PDE11A: variants seen among roughly 807,000 people sequenced by gnomAD.
The protein encoded by PDE11A is phosphodiesterase 11A.
Under a neutral mutation model 100.5 loss-of-function variants are expected in PDE11A, and 100 were observed. That is an observed-to-expected ratio of 1.00 (90% CI 0.85 to 1.18). The LOEUF (loss-of-function observed/expected upper bound fraction) is 1.18. Ranked by LOEUF, PDE11A falls within the 50% of genes most tolerant of loss-of-function variation. PDE11A has a pLI of 0.00. For missense variants in PDE11A, 1,141 were observed against 1,152.6 expected, an observed-to-expected ratio of 0.99 and a Z score of 0.15; for synonymous variants, 381 against 420.8, an observed-to-expected ratio of 0.91 and a Z score of 1.16.
chr2:178,014,151 C>G, intron 2 of PDE11A, 151 bp downstream of exon 2: 2 of 633,702 alleles, frequency 3.2e-6, no homozygotes, highest in South Asian at 3.9e-5. Flanking sequence ...TCGAAAAACT[C>G]CCATTTCATT....
At chr2:178,006,980 C>A (rs2105821946) in intron 2 of PDE11A, among the ~76,000 whole-genome samples, 1 of 152,168 alleles carries the variant, frequency 6.6e-6, no homozygotes, top group East Asian at 1.9e-4. Flanking sequence ...AGAAAGACTT[C>A]AGTTCTTTCA....
At chr2:177,942,473 G>A (rs2085356763) in intron 2 of PDE11A, among the ~76,000 whole-genome samples, 1 of 150,896 alleles carries the variant, frequency 6.6e-6, no homozygotes, top group Non-Finnish European at 1.5e-5. Context: ...CGTGATCTCG[G>A]CTCACCGCAA....
chr2:177,859,377 A>G (rs1181730333), intron 5 of PDE11A, among the ~76,000 whole-genome samples: 3 of 151,924 alleles, frequency 2.0e-5, no homozygotes, highest in African/African-American at 7.2e-5. Flanking sequence ...AAAATGTGAT[A>G]TATCTATACA....
At chr2:177,846,097 A>G (rs1001096921) in intron 5 of PDE11A, among the ~76,000 whole-genome samples, 3 of 152,056 alleles carry the variant, frequency 2.0e-5, no homozygotes, top group Non-Finnish European at 2.9e-5. Context: ...GGTCTACTAT[A>G]ATGCAGAATC....
intron 10 of PDE11A, among the ~76,000 whole-genome samples, chr2:177,735,460 C>T (rs563906253): frequency 2.0e-5 from 3 of 151,372 alleles, no homozygotes; most frequent in South Asian, 2.1e-4. Context: ...CAGGAATGAG[C>T]GTATGAGATG....
intron 2 of PDE11A, among the ~76,000 whole-genome samples, chr2:177,909,839 A>G (rs2084851130): frequency 2.0e-5 from 3 of 152,176 alleles, no homozygotes; most frequent in African/African-American, 7.2e-5. Context: ...AAGGTAAGGT[A>G]GTTGGGTATG....
intron 10 of PDE11A, among the ~76,000 whole-genome samples, chr2:177,747,239 C>T (rs541231739): frequency 2.6e-5 from 4 of 152,182 alleles, no homozygotes; most frequent in Admixed American, 6.5e-5. Flanking sequence ...TTGTCAGGGA[C>T]CTGCTTCATT....
At chr2:177,942,693 G>A (rs908117896) in intron 2 of PDE11A, among the ~76,000 whole-genome samples, 6 of 151,984 alleles carry the variant, frequency 3.9e-5, no homozygotes, top group African/African-American at 1.2e-4. Flanking sequence ...ATGAGCCACC[G>A]CACCCGGCTA....
chr2:177,804,804 T>A (rs2082845775), intron 9 of PDE11A, among the ~76,000 whole-genome samples: 1 of 151,940 alleles, frequency 6.6e-6, no homozygotes. Flanking sequence ...TGGAGGCCAT[T>A]GTCTTAACTG....
chr2:178,053,532 A>G (rs376505547), intron 1 of PDE11A, among the ~76,000 whole-genome samples: 53 of 152,236 alleles, frequency 3.5e-4, no homozygotes, highest in African/African-American at 1.2e-3. Flanking sequence ...GGCAGGAGAA[A>G]GAAATAAAGG....
intron 2 of PDE11A, among the ~76,000 whole-genome samples, chr2:177,956,519 A>G (rs1475530025): frequency 1.4e-4 from 21 of 152,210 alleles, no homozygotes; most frequent in Non-Finnish European, 2.2e-4. Context: ...TCAGGGATCT[A>G]GAACTAGAAA....
intron 1 of PDE11A, among the ~76,000 whole-genome samples, chr2:178,052,684 C>T (rs2086844612): frequency 6.6e-6 from 1 of 152,140 alleles, no homozygotes; most frequent in Non-Finnish European, 1.5e-5. Flanking sequence ...AAGGGGATAT[C>T]ACCACCAATC....
At position 178,029,128 on chromosome 2, in the gene PDE11A, C is replaced by T. The variant is rs190047093; in HGVS notation, c.913-14668G>A. ...CATAAGCCACCCATCAGCATGCTCACGTACATCTGATACATCTAGCTACAC... is the reference window on the plus strand; with the variant it reads ...CATAAGCCACCCATCAGCATGCTCATGTACATCTGATACATCTAGCTACAC... On this transcript the variant is annotated intron_variant, in intron 1 of 19. Coordinates refer to ENST00000286063, the MANE Select transcript of PDE11A (RefSeq NM_016953.4). Among the ~76,000 whole-genome samples the T allele has an allele frequency of 7.4e-4, 113 of 152,278 alleles. 1 individual carries two copies. The highest frequency in any genetic ancestry group is 6.5e-3 in the Admixed American group (99 of 15,296).
At chr2:177,660,610 C>T (rs1361886570) in intron 19 of PDE11A, among the ~76,000 whole-genome samples, 1 of 152,164 alleles carries the variant, frequency 6.6e-6, no homozygotes, top group African/African-American at 2.4e-5. Context: ...TTGAGTGGAA[C>T]TTGAAGCTAT....
intron 17 of PDE11A, among the ~76,000 whole-genome samples, chr2:177,670,688 T>C (rs547241717): frequency 1.3e-5 from 2 of 152,316 alleles, no homozygotes; most frequent in African/African-American, 4.8e-5. Context: ...AGTATCAAGA[T>C]AATTTAACTC....
At position 177,853,963 on chromosome 2, in the gene PDE11A, TAC is replaced by T. The variant is rs150868134; in HGVS notation, c.1368-13582_1368-13581del. Among the ~76,000 whole-genome samples, 1,161 of 146,708 alleles carry T rather than the reference TAC, an allele frequency of 7.9e-3. 17 individuals are homozygous for T. Among genetic ancestry groups the T allele is most frequent in the African/African-American group, 0.026 (1,050 of 40,012 alleles). On this transcript the variant is annotated intron_variant, in intron 5 of 19. Transcript: ENST00000286063. ...GTATATATATCTATATATATGTGTA[TAC>T]ACACACACACACACAGCAAGAAAGG... is the stretch of plus-strand genomic sequence containing the variant.
chr2:177,711,942 G>T, intron 12 of PDE11A, 64 bp from the exon 13 acceptor site: 1 of 830,956 alleles, frequency 1.2e-6, no homozygotes, highest in Non-Finnish European at 2.1e-6. Flanking sequence ...AAGGTTAGGT[G>T]CTGAGCAACA....
At chr2:177,639,141 A>G (rs2080100792) in intron 19 of PDE11A, among the ~76,000 whole-genome samples, 2 of 152,224 alleles carry the variant, frequency 1.3e-5, no homozygotes, top group Middle Eastern at 3.2e-3. Flanking sequence ...TATCCAGGCC[A>G]CAAGCTGGAA....
chr2:177,899,052 C>T (rs946638850), intron 3 of PDE11A, among the ~76,000 whole-genome samples: 1 of 152,268 alleles, frequency 6.6e-6, no homozygotes, highest in South Asian at 2.1e-4. Flanking sequence ...GATCATATAA[C>T]CATTAGCTAC....
Sources: gnomAD v4.1 joint callset for allele counts (sites outside exome capture counted in the v4.1 genomes callset) on GRCh38, gnomAD v4.1.1 for gene constraint, MANE v1.5 for transcripts, NCBI Gene and HGNC (gene_info 2026-07-23, HGNC 2026-07-21) for gene names.